Variants in RNF115 observed in about 807,000 individuals in gnomAD.
RNF115 encodes E3 ubiquitin-protein ligase RNF115.
A neutral mutation model predicts 39.2 loss-of-function variants in RNF115; 31 were observed. The ratio of observed to expected loss-of-function variants is 0.79; its 90% CI spans 0.59 to 1.07. The LOEUF (loss-of-function observed/expected upper bound fraction) is 1.07. Ranked by LOEUF, RNF115 falls within the 50% of genes least tolerant of loss-of-function variation. RNF115 has a pLI of 0.00. For missense variants in RNF115, 384 were observed against 381.7 expected, an observed-to-expected ratio of 1.01 and a Z score of -0.05; for synonymous variants, 124 against 131.0, an observed-to-expected ratio of 0.95 and a Z score of 0.37.
At chr1:145,821,008 C>G (rs1650210235) in intron 1 of RNF115, among the ~76,000 whole-genome samples, 1 of 115,552 alleles carries the variant, frequency 8.7e-6, no homozygotes, top group African/African-American at 3.0e-5. Context: ...AATTCTCAAT[C>G]TGAAATGTAC....
chr1:145,764,672 G>C (rs1275475524), intron 4 of RNF115, among the ~76,000 whole-genome samples: 3 of 151,824 alleles, frequency 2.0e-5, no homozygotes, highest in Admixed American at 2.0e-4. Flanking sequence ...AGTGAGGAGC[G>C]TCTCTGCCCA....
At chr1:145,791,917 A>G (rs1431105454) in intron 1 of RNF115, among the ~76,000 whole-genome samples, 2 of 151,690 alleles carry the variant, frequency 1.3e-5, no homozygotes, top group Non-Finnish European at 2.9e-5. Context: ...TTTCTTTTTT[A>G]TTTTTTATTT....
intron 2 of RNF115, among the ~76,000 whole-genome samples, chr1:145,787,705 G>A (rs889647507): frequency 6.6e-6 from 1 of 151,906 alleles, no homozygotes; most frequent in Non-Finnish European, 1.5e-5. Flanking sequence ...TGGCCAACAC[G>A]GCAAAACCCC....
chr1:145,804,005 A>G lies in RNF115; in HGVS notation c.103-15039T>C, dbSNP rs587618391. On this transcript the variant is annotated intron_variant, in intron 1 of 8. Coordinates refer to ENST00000582693, the MANE Select transcript of RNF115 (RefSeq NM_014455.4). ...AAGGCAGCAAGAAAGGGAACAACCCAGTGGCATAAATATAAAATGATAAAT... is the reference window on the plus strand; with the variant it reads ...AAGGCAGCAAGAAAGGGAACAACCCGGTGGCATAAATATAAAATGATAAAT... 3.7e-4 allele frequency among the ~76,000 whole-genome samples: 56 copies of G among 152,350 alleles called. 3 individuals carry two copies. The highest frequency in any genetic ancestry group is 1.3e-3 in the African/African-American group (54 of 41,594).
chr1:145,783,574 A>G (rs1410113801), intron 3 of RNF115, among the ~76,000 whole-genome samples: 1 of 152,184 alleles, frequency 6.6e-6, no homozygotes, highest in Non-Finnish European at 1.5e-5. Context: ...GGAAAAGGCT[A>G]ATGTGATCCT....
chr1:145,823,411 T>C (rs1440748095), intron 1 of RNF115, among the ~76,000 whole-genome samples: 2 of 135,002 alleles, frequency 1.5e-5, no homozygotes, highest in African/African-American at 5.5e-5. Context: ...GAAGACACAG[T>C]GGAAGAAGTG....
At chr1:145,795,384 C>T (rs1289267135) in intron 1 of RNF115, among the ~76,000 whole-genome samples, 4 of 152,072 alleles carry the variant, frequency 2.6e-5, no homozygotes, top group African/African-American at 4.8e-5. Flanking sequence ...CTGGCTGGTA[C>T]GGCCAGCTTT....
At position 145,751,448 on chromosome 1, in the gene RNF115, A is replaced by T; in HGVS notation, c.563T>A (p.Ile188Asn). The T allele has an allele frequency of 6.3e-7, 1 of 1,585,386 alleles. No homozygotes were observed. Among genetic ancestry groups the T allele is most frequent in the Non-Finnish European group, 8.6e-7 (1 of 1,165,116 alleles). ...AAGGCAGCTCCTCACCTGGGTTACA[A>T]TGGCATCAAGCCCTGTCTGACCCCA... Reference protein sequence around the residue: ...YAWGQTGLDAIVTQLLGQLEN... With the variant: ...YAWGQTGLDANVTQLLGQLEN... Residue 188 changes from isoleucine (I) to asparagine (N), a missense_variant, in exon 6 of 9, where the codon ATT (isoleucine) becomes AAT (asparagine). Ile to Asn is a moderately radical substitution (Grantham distance 149). Coordinates refer to ENST00000582693, the MANE Select transcript of RNF115 (RefSeq NM_014455.4).
intron 1 of RNF115, among the ~76,000 whole-genome samples, chr1:145,798,208 A>G (rs961696147): frequency 6.6e-6 from 1 of 152,178 alleles, no homozygotes; most frequent in East Asian, 1.9e-4. Flanking sequence ...TATGCCAGAA[A>G]TCACTGCCAA....
chr1:145,814,801 T>C (rs1553723236), intron 1 of RNF115, among the ~76,000 whole-genome samples: 1 of 152,164 alleles, frequency 6.6e-6, no homozygotes, highest in Non-Finnish European at 1.5e-5. Context: ...CCTATAAGAA[T>C]ACATATTTAT....
chr1:145,767,737 G>A (rs1176127942), intron 4 of RNF115, among the ~76,000 whole-genome samples: 10 of 152,272 alleles, frequency 6.6e-5, no homozygotes, highest in Middle Eastern at 3.2e-3. Flanking sequence ...TCGGGAGGCC[G>A]AGGCTGGCGG....
At chr1:145,771,531 ACT>A (rs1357179050) in intron 4 of RNF115, among the ~76,000 whole-genome samples, 178 bp downstream of exon 4, 1 of 152,140 alleles carries the variant, frequency 6.6e-6, no homozygotes, top group East Asian at 1.9e-4. Context: ...AGCATTTCTC[ACT>A]CTCTGGTTTA....
At chr1:145,763,495 C>T (rs1374670651) in intron 4 of RNF115, among the ~76,000 whole-genome samples, 5 of 152,146 alleles carry the variant, frequency 3.3e-5, no homozygotes, top group Non-Finnish European at 7.4e-5. Context: ...ATCAGGAGTT[C>T]GAGACCAGCC....
At chr1:145,763,034 G>C (rs1468070777) in intron 4 of RNF115, among the ~76,000 whole-genome samples, 1 of 152,104 alleles carries the variant, frequency 6.6e-6, no homozygotes, top group Non-Finnish European at 1.5e-5. Flanking sequence ...GGCAAAGGTT[G>C]AGAAACTACC....
At chr1:145,791,659 C>T (rs1375594450) in intron 1 of RNF115, among the ~76,000 whole-genome samples, 2 of 152,096 alleles carry the variant, frequency 1.3e-5, no homozygotes, top group East Asian at 1.9e-4. Context: ...TTCTCAAATA[C>T]CCTACAGAAA....
chr1:145,794,077 C>T (rs1203526435), intron 1 of RNF115, among the ~76,000 whole-genome samples: 6 of 152,128 alleles, frequency 3.9e-5, no homozygotes, highest in Non-Finnish European at 7.4e-5. Context: ...CTCCTGACCT[C>T]GAGTGATCCG....
chr1:145,789,098 TTTTG>T (rs1559121603), intron 1 of RNF115, 132 bp from the exon 2 acceptor site: 12 of 604,526 alleles, frequency 2.0e-5, no homozygotes, highest in Non-Finnish European at 3.5e-5. Context: ...CTCAAGTAGT[TTTTG>T]TTTTTTTTTT....
At chr1:145,814,266 A>G (rs1326778957) in intron 1 of RNF115, among the ~76,000 whole-genome samples, 2 of 151,858 alleles carry the variant, frequency 1.3e-5, no homozygotes, top group South Asian at 2.1e-4. Flanking sequence ...TCTCCAAAAA[A>G]AAGATAAAAA....
intron 4 of RNF115, among the ~76,000 whole-genome samples, chr1:145,771,127 G>C (rs1571733698): frequency 6.6e-6 from 1 of 152,142 alleles, no homozygotes; most frequent in East Asian, 1.9e-4. Flanking sequence ...TCATGTGTTG[G>C]AAACTTAATC....
Sources: allele counts gnomAD v4.1 joint callset (sites outside exome capture counted in the v4.1 genomes callset), GRCh38; gene constraint gnomAD v4.1.1; transcripts MANE v1.5; gene names NCBI Gene and HGNC (gene_info 2026-07-23, HGNC 2026-07-21).